The following MYO3A variants were observed in gnomAD, a reference collection of about 807,000 sequenced individuals.
MYO3A encodes myosin IIIA, also known as myosin-IIIa.
A neutral mutation model predicts 192.7 loss-of-function variants in MYO3A; 180 were observed. The observed-to-expected ratio is 0.93, with a 90% CI of 0.83 to 1.06. MYO3A has a LOEUF of 1.06. MYO3A is among the 50% of genes least tolerant of loss of function. The probability of loss-of-function intolerance (pLI) is 0.00; values close to 1 mark genes in which losing one functional copy is unlikely to be tolerated. For missense variants in MYO3A, 1,896 were observed against 1,905.0 expected (o/e 1.00, Z 0.09); for synonymous variants, 628 against 645.3 (o/e 0.97, Z 0.41).
At chr10:26,077,233 GT>G (rs34464120) in intron 14 of MYO3A, among the ~76,000 whole-genome samples, 149 of 36,288 alleles carry the variant, frequency 4.1e-3, no homozygotes, top group East Asian at 0.019. Context: ...TATTCCTAAG[GT>G]TTTTTTTTTT....
intron 26 of MYO3A, among the ~76,000 whole-genome samples, chr10:26,159,887 C>T (rs1425974544): frequency 1.3e-5 from 2 of 151,816 alleles, no homozygotes; most frequent in Non-Finnish European, 2.9e-5. Flanking sequence ...ACTTTACTTC[C>T]TACAGATCAG....
At chr10:26,076,065 A>T (rs1325811087) in intron 14 of MYO3A, among the ~76,000 whole-genome samples, 1 of 150,564 alleles carries the variant, frequency 6.6e-6, no homozygotes, top group East Asian at 1.9e-4. Flanking sequence ...TCTTTAAGAA[A>T]TCAGCATACT....
intron 6 of MYO3A, among the ~76,000 whole-genome samples, chr10:26,000,721 G>C (rs1840743758): frequency 6.6e-6 from 1 of 151,942 alleles, no homozygotes; most frequent in South Asian, 2.1e-4. Flanking sequence ...ACCCAGGCTG[G>C]AGTGTAGGAG....
Position 25,955,167 on chromosome 10 carries a change from G to T in MYO3A, c.303+159G>T, listed in dbSNP as rs1546699. ...CCTAGTTTTGGCCTTGCCTTCTTAA[G>T]AAACATCAAAAAATTGAAGGAAAGC... On this transcript the variant is annotated intron_variant, in intron 4 of 34. Transcript: ENST00000642920. 0.16 allele frequency among the ~76,000 whole-genome samples: 23,736 copies of T among 151,736 alleles called. 2,170 individuals carry two copies. The highest frequency in any genetic ancestry group is 0.23 in the African/African-American group (9,421 of 41,352).
At chr10:25,992,948 G>A (rs1338574138) in intron 4 of MYO3A, among the ~76,000 whole-genome samples, 1 of 152,116 alleles carries the variant, frequency 6.6e-6, no homozygotes, top group Non-Finnish European at 1.5e-5. Context: ...ATGTTCATCA[G>A]GGATATTGGT....
At chr10:25,960,113 T>G (rs1380054379) in intron 4 of MYO3A, among the ~76,000 whole-genome samples, 1 of 152,232 alleles carries the variant, frequency 6.6e-6, no homozygotes, top group East Asian at 1.9e-4. Flanking sequence ...TTTATTGAAT[T>G]TTTTTGCTCA....
At chr10:26,102,911 A>G (rs966845365) in intron 17 of MYO3A, among the ~76,000 whole-genome samples, 4 of 152,180 alleles carry the variant, frequency 2.6e-5, no homozygotes, top group African/African-American at 9.7e-5. Context: ...TGGGAGAACC[A>G]CTACTCTCTT....
chr10:26,033,945 C>T (rs1166512097), intron 10 of MYO3A, among the ~76,000 whole-genome samples: 1 of 152,042 alleles, frequency 6.6e-6, no homozygotes. Context: ...GGGGAAAACC[C>T]AGAAATAGGT....
rs561829991 is a variant in MYO3A at position 26,113,817 on chromosome 10, G to C, written c.1777-6859G>C. On this transcript the variant is annotated intron_variant, in intron 17 of 34. Coordinates refer to ENST00000642920, the MANE Select transcript of MYO3A (RefSeq NM_017433.5). ...CTAAGCTTATTTACCAGTAAAAGGA[G>C]GGGAAAGGGATAATTAATTTCTGAA... 2.6e-5 allele frequency among the ~76,000 whole-genome samples: 4 copies of C among 152,250 alleles called. No individual in the cohort carries two copies. The South Asian group carries it at 8.3e-4, about 32-fold the overall frequency.
At chr10:26,156,622 A>T (rs1189826602) in intron 25 of MYO3A, among the ~76,000 whole-genome samples, 1 of 152,200 alleles carries the variant, frequency 6.6e-6, no homozygotes, top group East Asian at 1.9e-4. Flanking sequence ...TTACATATTA[A>T]ACGCTATTGA....
At chr10:26,032,698 T>A (rs547378779) in intron 10 of MYO3A, among the ~76,000 whole-genome samples, 1 of 152,112 alleles carries the variant, frequency 6.6e-6, no homozygotes, top group South Asian at 2.1e-4. Flanking sequence ...TGGGACTTTA[T>A]GTAATGTAAA....
chr10:25,993,739 C>T (rs1428328249), intron 4 of MYO3A, among the ~76,000 whole-genome samples: 1 of 152,194 alleles, frequency 6.6e-6, no homozygotes, highest in Non-Finnish European at 1.5e-5. Context: ...TTTCAAAGAA[C>T]TTCTTTATTT....
chr10:25,999,334 G>C (rs1469095470), intron 6 of MYO3A, among the ~76,000 whole-genome samples: 1 of 152,094 alleles, frequency 6.6e-6, no homozygotes, highest in Non-Finnish European at 1.5e-5. Context: ...TGCATTCCTA[G>C]TATCTGACAC....
In MYO3A at chr10:26,016,853, G is replaced by A. The variant is rs574220416; in HGVS notation, c.542G>A (p.Arg181His). The A allele has an allele frequency of 5.0e-5, 81 of 1,614,070 alleles. No homozygotes were observed. Among genetic ancestry groups the A allele is most frequent in the South Asian group, 1.1e-4 (10 of 91,074 alleles). ...VSAQLTSTRHRRNTSVGTPFW... is the reference protein window; with the variant it reads ...VSAQLTSTRHHRNTSVGTPFW... ...GCACAGCTCACCAGTACCCGGCACCGTCGGAACACATCCGTAGGAACACCG... is the reference window on the plus strand; with the variant it reads ...GCACAGCTCACCAGTACCCGGCACCATCGGAACACATCCGTAGGAACACCG... The change falls in exon 7 of 35, where the codon CGT becomes CAT. Residue 181 changes from arginine to histidine, a missense_variant. Coordinates refer to ENST00000642920, the MANE Select transcript of MYO3A (RefSeq NM_017433.5).
At position 25,937,303 on chromosome 10, in the gene MYO3A, T is replaced by C. The variant is rs190623926; in HGVS notation, c.-18+1473T>C. On this transcript the variant is annotated intron_variant, in intron 2 of 34. Coordinates refer to ENST00000642920, the MANE Select transcript of MYO3A (RefSeq NM_017433.5). ...TTTATTTCATCAAGTCCTGCTTCACTCATATATTTTACCTCCCTCACTCCT... is the reference window on the plus strand; with the variant it reads ...TTTATTTCATCAAGTCCTGCTTCACCCATATATTTTACCTCCCTCACTCCT... 6.2e-4 allele frequency among the ~76,000 whole-genome samples: 95 copies of C among 152,328 alleles called. 1 individual carries two copies. The highest frequency in any genetic ancestry group is 2.0e-3 in the African/African-American group (85 of 41,564).
chr10:25,960,377 A>G (rs1457482444), intron 4 of MYO3A, among the ~76,000 whole-genome samples: 1 of 152,094 alleles, frequency 6.6e-6, no homozygotes, highest in Non-Finnish European at 1.5e-5. Flanking sequence ...TATGATTTCA[A>G]TATTACAGTT....
At chr10:25,946,965 A>G (rs1836881241) in intron 2 of MYO3A, among the ~76,000 whole-genome samples, 1 of 148,100 alleles carries the variant, frequency 6.8e-6, no homozygotes, top group Non-Finnish European at 1.5e-5. Flanking sequence ...CTTTCCTTAA[A>G]TTTGTGAGGT....
chr10:26,033,125 G>A (rs1397090888), intron 10 of MYO3A, among the ~76,000 whole-genome samples: 1 of 152,076 alleles, frequency 6.6e-6, no homozygotes. Context: ...CCAGGCTGGA[G>A]TGCAGTGGCA....
intron 4 of MYO3A, among the ~76,000 whole-genome samples, chr10:25,981,279 C>T (rs568894500): frequency 2.2e-4 from 34 of 152,086 alleles, no homozygotes; most frequent in Non-Finnish European, 4.3e-4. Context: ...CCATACCATA[C>T]ATCACACTAT....
Sources: allele counts gnomAD v4.1 joint callset (sites outside exome capture counted in the v4.1 genomes callset), GRCh38; gene constraint gnomAD v4.1.1; transcripts MANE v1.5; gene names NCBI Gene and HGNC (gene_info 2026-07-23, HGNC 2026-07-21).